AGBL4: variants seen among roughly 807,000 people sequenced by gnomAD.
AGBL4 encodes AGBL carboxypeptidase 4.
A neutral mutation model predicts 66.4 loss-of-function variants in AGBL4; 58 were observed. The ratio of observed to expected loss-of-function variants is 0.87; its 90% CI spans 0.71 to 1.09. The LOEUF is 1.09. AGBL4 is among the 50% of genes least tolerant of loss of function. The pLI is 0.00. For synonymous variants in AGBL4, 234 were observed against 222.9 expected (o/e 1.05, Z -0.44); for missense variants, 579 against 631.0 (o/e 0.92, Z 0.88).
At chr1:48,559,962 A>G (rs1327011714) in intron 11 of AGBL4, among the ~76,000 whole-genome samples, 1 of 152,020 alleles carries the variant, frequency 6.6e-6, no homozygotes, top group Non-Finnish European at 1.5e-5. Context: ...GTCTGTGCTT[A>G]TGTTCTCCTT....
intron 3 of AGBL4, among the ~76,000 whole-genome samples, chr1:49,691,801 G>C (rs916678840): frequency 6.6e-6 from 1 of 152,070 alleles, no homozygotes; most frequent in African/African-American, 2.4e-5. Flanking sequence ...AGAAAAATGT[G>C]AAAAGAGAGA....
At chr1:49,321,442 A>G (rs547703529) in intron 3 of AGBL4, among the ~76,000 whole-genome samples, 3 of 152,358 alleles carry the variant, frequency 2.0e-5, no homozygotes, top group African/African-American at 4.8e-5. Context: ...GTGCTGGTCA[A>G]AAAGTATGGA....
chr1:49,246,109 T>C (rs1488953164), intron 3 of AGBL4, among the ~76,000 whole-genome samples: 2 of 151,932 alleles, frequency 1.3e-5, no homozygotes, highest in Non-Finnish European at 2.9e-5. Flanking sequence ...TTTTCAATTG[T>C]GTGGCCTTGC....
rs532769189 is a variant in AGBL4, at chr1:49,024,492, T to C, written c.594+21092A>G. On this transcript the variant is annotated intron_variant, in intron 5 of 13. Coordinates refer to ENST00000371839, the MANE Select transcript of AGBL4 (RefSeq NM_032785.4). ...GTCATCTACTCCTTAATTTCTTCTA[T>C]ACAAGTATTTTACTTATTAGTAGGG... Among the ~76,000 whole-genome samples, 3 of 152,286 alleles carry C rather than the reference T, an allele frequency of 2.0e-5. 1 individual carries two copies. The South Asian group carries it at 6.2e-4, about 32-fold the overall frequency.
chr1:49,395,800 CATATATATATGTATACATAT>C (rs1477156867), intron 3 of AGBL4, among the ~76,000 whole-genome samples: 3 of 118,072 alleles, frequency 2.5e-5, no homozygotes, highest in African/African-American at 1.0e-4. Flanking sequence ...TATATATATA[CATATATATATGTATACATAT>C]ATATATATGT....
At chr1:49,173,881 A>G (rs1646783653) in intron 4 of AGBL4, among the ~76,000 whole-genome samples, 1 of 152,158 alleles carries the variant, frequency 6.6e-6, no homozygotes, top group African/African-American at 2.4e-5. Flanking sequence ...AAGAACATGC[A>G]GTTTCAAGCA....
chr1:48,928,095 T>C (rs967681357), intron 5 of AGBL4, among the ~76,000 whole-genome samples: 1 of 152,186 alleles, frequency 6.6e-6, no homozygotes, highest in Non-Finnish European at 1.5e-5. Context: ...CTTTAGGAAC[T>C]ATACCAAGAA....
chr1:49,331,607 G>A (rs1286540555), intron 3 of AGBL4, among the ~76,000 whole-genome samples: 1 of 152,118 alleles, frequency 6.6e-6, no homozygotes, highest in African/African-American at 2.4e-5. Context: ...CTCCCAGCCT[G>A]GCCTCCAGCC....
chr1:48,808,665 A>G (rs1422077193), intron 6 of AGBL4, among the ~76,000 whole-genome samples: 3 of 151,570 alleles, frequency 2.0e-5, no homozygotes, highest in African/African-American at 7.3e-5. Flanking sequence ...GAAAAGAGAG[A>G]GTTAATACTG....
intron 5 of AGBL4, among the ~76,000 whole-genome samples, chr1:48,942,027 C>G (rs1656019441): frequency 6.6e-6 from 1 of 152,176 alleles, no homozygotes; most frequent in Non-Finnish European, 1.5e-5. Flanking sequence ...AAGCAAATGA[C>G]TATTTTTCTT....
intron 2 of AGBL4, among the ~76,000 whole-genome samples, chr1:49,766,538 C>T (rs1171775389): frequency 2.0e-5 from 3 of 151,882 alleles, no homozygotes; most frequent in African/African-American, 4.8e-5. Flanking sequence ...ACAAAACAAC[C>T]AGCTAACAAC....
chr1:49,616,185 C>T (rs555364550), intron 3 of AGBL4, among the ~76,000 whole-genome samples: 2 of 152,204 alleles, frequency 1.3e-5, no homozygotes, highest in East Asian at 1.9e-4. Flanking sequence ...TTCTCTTAGA[C>T]GTAATCAAGT....
Position 49,185,348 on chromosome 1 carries a change from T to C in AGBL4, c.377+60422A>G, listed in dbSNP as rs139223594. Among the ~76,000 whole-genome samples, 241 of 152,338 alleles carry C rather than the reference T, an allele frequency of 1.6e-3. 4 individuals are homozygous for C. The highest frequency in any genetic ancestry group is 5.6e-3 in the African/African-American group (234 of 41,586). The stretch of plus-strand genomic sequence containing the variant: ...TACAAGCAAAGCATCACAACTCTTG[T>C]GTAAATCCCCTGGCTGCTGAACAGG... On this transcript the variant is annotated intron_variant, in intron 4 of 13. Transcript: ENST00000371839.
intron 4 of AGBL4, among the ~76,000 whole-genome samples, chr1:49,128,100 A>C (rs1015414572): frequency 2.6e-5 from 4 of 152,092 alleles, no homozygotes; most frequent in African/African-American, 9.6e-5. Flanking sequence ...AACCAATTAT[A>C]ATAAGGAAAG....
chr1:48,664,530 C>T (rs1646156485), intron 6 of AGBL4, among the ~76,000 whole-genome samples: 1 of 152,168 alleles, frequency 6.6e-6, no homozygotes, highest in African/African-American at 2.4e-5. Context: ...ACAAAAGAAA[C>T]TTAAATGCTT....
chr1:48,953,503 G>C (rs1557496213), intron 5 of AGBL4, among the ~76,000 whole-genome samples: 1 of 152,184 alleles, frequency 6.6e-6, no homozygotes, highest in Non-Finnish European at 1.5e-5. Flanking sequence ...GGAGAGGCTG[G>C]AGAAGTGAGT....
intron 3 of AGBL4, among the ~76,000 whole-genome samples, chr1:49,461,128 A>G (rs938072900): frequency 6.6e-6 from 1 of 151,586 alleles, no homozygotes. Flanking sequence ...AGGTTCTTGT[A>G]TTTGGATGTC....
chr1:49,127,630 G>C (rs552722843), intron 4 of AGBL4, among the ~76,000 whole-genome samples: 3 of 152,118 alleles, frequency 2.0e-5, no homozygotes, highest in South Asian at 2.1e-4. Flanking sequence ...AGCAACTAGG[G>C]AGAACTGAAC....
intron 3 of AGBL4, among the ~76,000 whole-genome samples, chr1:49,348,879 G>A (rs1013247892): frequency 4.6e-5 from 7 of 152,286 alleles, no homozygotes; most frequent in African/African-American, 1.7e-4. Context: ...GAACACACAC[G>A]TCATATGTTT....
Sources: allele counts gnomAD v4.1 joint callset (sites outside exome capture counted in the v4.1 genomes callset), GRCh38; gene constraint gnomAD v4.1.1; transcripts MANE v1.5; gene names NCBI Gene and HGNC (gene_info 2026-07-23, HGNC 2026-07-21).